Variants in ARFGAP2 observed in about 807,000 individuals in gnomAD.
ARFGAP2 encodes the protein ARF GTPase activating protein 2, also known as ADP-ribosylation factor GTPase-activating protein 2.
Under a neutral mutation model 71.9 loss-of-function variants are expected in ARFGAP2, and 45 were observed. The observed-to-expected ratio is 0.63, with a 90% CI of 0.49 to 0.80. The LOEUF is 0.80. ARFGAP2 is among the 30% of genes least tolerant of loss of function. ARFGAP2 has a pLI of 0.00. For missense variants in ARFGAP2, 633 were observed against 673.9 expected (o/e 0.94, Z 0.67); for synonymous variants, 248 against 249.2 (o/e 1.00, Z 0.05).
At position 47,168,225 on chromosome 11, in the gene ARFGAP2, T is replaced by G. The variant is rs770003867; in HGVS notation, c.968A>C (p.Glu323Ala). Reference protein sequence around the residue: ...RSSVSHSVLSEMQVIEQETPV... With the variant: ...RSSVSHSVLSAMQVIEQETPV... ...GGTTTCCTGCTCAATCACCTGCATC[T>G]CAGACAGCACGGAGTGGGAGACAGA... Residue 323 changes from glutamate to alanine, a missense_variant, in exon 11 of 16, where the codon GAG (glutamate) becomes GCG (alanine). Physicochemically the swap from Glu to Ala is moderately radical, Grantham distance 107. Transcript: ENST00000524782. 38 of 1,614,020 alleles carry G rather than the reference T, an allele frequency of 2.4e-5. No individual in the cohort carries two copies. The highest frequency in any genetic ancestry group is 3.3e-5 in the Admixed American group (2 of 60,000).
In ARFGAP2 at chr11:47,166,500, C is replaced by T; in HGVS notation, c.1426+6G>A. On this transcript the variant is annotated splice_donor_region_variant and intron_variant, in intron 14 of 15. Transcript: ENST00000524782. ...CTTGGTGCCTGCCACCCCACCAGGG[C>T]CCTACCTGCTCCGTGAGCTCCATCC... The T allele has an allele frequency of 6.2e-6, 10 of 1,612,926 alleles. No homozygotes were observed. The highest frequency in any genetic ancestry group is 8.5e-6 in the Non-Finnish European group (10 of 1,179,870).
At chr11:47,173,185 A>G in intron 7 of ARFGAP2, 1 of 536,572 alleles carries the variant, frequency 1.9e-6, no homozygotes, top group South Asian at 2.0e-5. Flanking sequence ...CCAGCCCCAC[A>G]CTCAGAGGCA....
At chr11:47,168,695 G>GT (rs1325406837) in intron 10 of ARFGAP2, 2 of 159,514 alleles carry the variant, frequency 1.3e-5, no homozygotes, top group Non-Finnish European at 2.8e-5. Context: ...GATTTTTTGT[G>GT]TTTTTTCAGT....
At chr11:47,172,057 G>A (rs961248038) in intron 8 of ARFGAP2, 6 of 697,834 alleles carry the variant, frequency 8.6e-6, no homozygotes, top group African/African-American at 3.6e-5. Context: ...CAAGCACTCC[G>A]CCAAGCACTA....
In ARFGAP2 at chr11:47,166,752, C is replaced by A. The variant is rs1207750696; in HGVS notation, c.1332+8G>T. ...GCCTCGGACCTCAGGGCAGACAGCC[C>A]CACTTACCTCTGCATCCACCTCCCG... On this transcript the variant is annotated splice_region_variant and intron_variant, in intron 13 of 15. Transcript: ENST00000524782. 6.2e-7 allele frequency: 1 copy of A among 1,612,348 alleles called. No homozygotes were observed. Among genetic ancestry groups the A allele is most frequent in the Non-Finnish European group, 8.5e-7 (1 of 1,179,200 alleles).
chr11:47,175,826 G>C, intron 3 of ARFGAP2, 25 bp downstream of exon 3: 1 of 1,613,928 alleles, frequency 6.2e-7, no homozygotes, highest in Non-Finnish European at 8.5e-7. Flanking sequence ...AGAATGGAAG[G>C]TGAGGGAAGT....
At chr11:47,166,453 C>A in intron 14 of ARFGAP2, 53 bp downstream of exon 14, 1 of 1,610,270 alleles carries the variant, frequency 6.2e-7, no homozygotes, top group Non-Finnish European at 8.5e-7. Context: ...GCAGGGCCCT[C>A]CCGCCCTGCT....
At chr11:47,172,015 G>A (rs11600668) in intron 8 of ARFGAP2, 253,200 of 762,062 alleles carry the variant, frequency 0.33, 46,112 homozygotes, top group East Asian at 0.71. Flanking sequence ...GCCTGAGGAC[G>A]GCAGTTAATG....
rs373025084 is a variant in ARFGAP2 at position 47,168,000 on chromosome 11, G to T, written c.1114C>A (p.Arg372Ser). 2 of 1,614,068 alleles carry T rather than the reference G, an allele frequency of 1.2e-6. No individual in the cohort carries two copies. The highest frequency in any genetic ancestry group is 4.5e-5 in the East Asian group (2 of 44,880). Residue 372 changes from arginine to serine, a missense_variant, in exon 12 of 16, where the codon CGC (arginine) becomes AGC (serine). By Grantham distance (110) the Arg-to-Ser change is moderately radical. Coordinates refer to ENST00000524782, the MANE Select transcript of ARFGAP2 (RefSeq NM_032389.6). Reference sequence around the variant, plus strand: ...CCCCAGGCAGCATCTGTATCCCAGCGGGAGCCAAAGCTTTCCCCTAAGGAA... The same window carrying T: ...CCCCAGGCAGCATCTGTATCCCAGCTGGAGCCAAAGCTTTCCCCTAAGGAA... ...PFSLGESFGS[R>S]WDTDAAWGMD...
At chr11:47,168,514 A>G in intron 10 of ARFGAP2, 1 of 326,548 alleles carries the variant, frequency 3.1e-6, no homozygotes, top group Non-Finnish European at 5.7e-6. Context: ...TTTGCCTGTT[A>G]TAATTTAATT....
chr11:47,175,831 G>A lies in ARFGAP2; in HGVS notation c.264+20C>T, dbSNP rs1367838002. 2 of 1,614,068 alleles carry A rather than the reference G, an allele frequency of 1.2e-6. No individual in the cohort carries two copies. The highest frequency in any genetic ancestry group is 1.3e-5 in the African/African-American group (1 of 75,056). The stretch of plus-strand genomic sequence containing the variant: ...ACCAGGCAGAAGAATGGAAGGTGAG[G>A]GAAGTAGAAGGAGCTTTACCGCATT... On this transcript the variant is annotated intron_variant, in intron 3 of 15. Coordinates refer to ENST00000524782, the MANE Select transcript of ARFGAP2 (RefSeq NM_032389.6).
At chr11:47,165,616 G>C in intron 15 of ARFGAP2, 114 bp from the exon 16 acceptor site, 1 of 1,203,956 alleles carries the variant, frequency 8.3e-7, no homozygotes, top group Non-Finnish European at 1.1e-6. Flanking sequence ...GGGGAGGCAG[G>C]GGCTGGACAG....
At chr11:47,167,860 T>C (rs1334610249) in intron 12 of ARFGAP2, 49 bp downstream of exon 12, 8 of 1,497,864 alleles carry the variant, frequency 5.3e-6, no homozygotes, top group Non-Finnish European at 7.1e-6. Context: ...TACCTTCAGC[T>C]TGTTTAAAAA....
chr11:47,175,026 C>T lies in ARFGAP2; in HGVS notation c.469G>A (p.Glu157Lys). 6 of 1,614,196 alleles carry T rather than the reference C, an allele frequency of 3.7e-6. No individual in the cohort carries two copies. The highest frequency in any genetic ancestry group is 2.2e-5 in the South Asian group (2 of 91,074). The stretch of plus-strand genomic sequence containing the variant: ...TTGTGGGCACTCACTTGAGTGTGTT[C>T]TGTGAAGAAATCAGAGTCCTTCTTC... ...PEKKDSDFFTEHTQPPAWDAP... is the reference protein window; with the variant it reads ...PEKKDSDFFTKHTQPPAWDAP... Residue 157 changes from glutamate (E) to lysine (K), a missense_variant, in exon 5 of 16, where the codon GAA (glutamate) becomes AAA (lysine). Transcript: ENST00000524782.
In ARFGAP2 at chr11:47,176,775, C is replaced by A. The variant is rs946587129; in HGVS notation, c.72+7G>T. The stretch of plus-strand genomic sequence containing the variant: ...CGAGAGACTCCGCGCGCCCCCTGCT[C>A]ACGCACCTTGTTGGTTGGAACTGCG... On this transcript the variant is annotated splice_region_variant and intron_variant, in intron 1 of 15. Transcript: ENST00000524782. 1 of 1,614,054 alleles carries A rather than the reference C, an allele frequency of 6.2e-7. No homozygotes were observed. Among genetic ancestry groups the A allele is most frequent in the African/African-American group, 1.3e-5 (1 of 74,956 alleles).
At position 47,164,354 on chromosome 11, in the gene ARFGAP2, CTT is replaced by C; in HGVS notation, c.*1126_*1127del. The C allele has an allele frequency of 7.8e-7, 1 of 1,274,420 alleles. No homozygotes were observed. Among genetic ancestry groups the C allele is most frequent in the Non-Finnish European group, 1.1e-6 (1 of 942,658 alleles). The allele number at this position is 1,274,420 out of a possible 1,614,324, so 78.9% of individuals were successfully genotyped here. A position where few individuals can be genotyped will look rare whatever the true frequency, so the allele number is the denominator to read the frequency against. On this transcript the variant is annotated 3_prime_UTR_variant, in exon 16 of 16. Coordinates refer to ENST00000524782, the MANE Select transcript of ARFGAP2 (RefSeq NM_032389.6). ...CTGCAGGGGCTTTATTTTGACACCACTTTGTTTCAATACAAACAGTCCAGAAA... is the reference window on the plus strand; with the variant it reads ...CTGCAGGGGCTTTATTTTGACACCACTGTTTCAATACAAACAGTCCAGAAA...
chr11:47,175,519 A>T, intron 3 of ARFGAP2: 2 of 765,460 alleles, frequency 2.6e-6, no homozygotes, highest in African/African-American at 3.4e-5. Flanking sequence ...ATATGACTGA[A>T]GTCCAGGCCC....
chr11:47,175,755 T>C, intron 3 of ARFGAP2, 96 bp downstream of exon 3: 6 of 1,431,700 alleles, frequency 4.2e-6, no homozygotes, highest in Non-Finnish European at 5.9e-6. Context: ...CAGAGAACCC[T>C]CTGAACAGGG....
At chr11:47,174,125 T>G (rs1394892119) in intron 5 of ARFGAP2, among the ~76,000 whole-genome samples, 1 of 152,100 alleles carries the variant, frequency 6.6e-6, no homozygotes, top group Non-Finnish European at 1.5e-5. Flanking sequence ...ATCTAAAGGC[T>G]CCTCATATAT....
Sources: allele counts gnomAD v4.1 joint callset (sites outside exome capture counted in the v4.1 genomes callset), GRCh38; gene constraint gnomAD v4.1.1; transcripts MANE v1.5; gene names NCBI Gene and HGNC (gene_info 2026-07-23, HGNC 2026-07-21).